PIK3C3: variants seen among roughly 807,000 people sequenced by gnomAD.
PIK3C3 encodes phosphatidylinositol 3-kinase catalytic subunit type 3.
Under a neutral mutation model 126.1 loss-of-function variants are expected in PIK3C3, and 95 were observed. The ratio of observed to expected loss-of-function variants is 0.75; its 90% confidence interval spans 0.64 to 0.89. The LOEUF (loss-of-function observed/expected upper bound fraction) is 0.89, where lower values mean the gene tolerates loss of function less well. Among genes scored for constraint, PIK3C3 ranks in the 40% least tolerant of loss-of-function variants. The pLI is 0.00. For synonymous variants in PIK3C3, 374 were observed against 360.0 expected (o/e 1.04, Z -0.44); for missense variants, 829 against 1,063.2 (o/e 0.78, Z 3.06).
At chr18:41,966,968 C>T (rs773008639) in intron 3 of PIK3C3, among the ~76,000 whole-genome samples, 3 of 152,160 alleles carry the variant, frequency 2.0e-5, no homozygotes, top group Non-Finnish European at 2.9e-5. Flanking sequence ...CTCCTGTTCC[C>T]CCTGTACTGG....
chr18:42,064,824 GA>G lies in PIK3C3; in HGVS notation c.2522del (p.Lys841ArgfsTer8), dbSNP rs1985467967. The G allele has an allele frequency of 4.5e-6, 7 of 1,556,076 alleles. No homozygotes were observed. The highest frequency in any genetic ancestry group is 3.4e-5 in the Admixed American group (2 of 59,574). On this transcript the variant is annotated frameshift_variant, in exon 23 of 25. Coordinates refer to ENST00000262039, the MANE Select transcript of PIK3C3 (RefSeq NM_002647.4). LOFTEE classifies it high-confidence loss of function. ...TTGCACTTGAACCAGATAAAACTGT[GA>G]AAAAGGTAATTTTTAAGTAACATAA... ...DIALEPDKTVKKVQDKFRLDL... is the reference protein window; with the variant it reads ...DIALEPDKTVXKVQDKFRLDL...
intron 24 of PIK3C3, among the ~76,000 whole-genome samples, chr18:42,076,396 C>T (rs1246110545): frequency 6.6e-6 from 1 of 151,510 alleles, no homozygotes; most frequent in Non-Finnish European, 1.5e-5. Flanking sequence ...AAGAAAAAAA[C>T]GTTAGCTGTG....
chr18:42,015,402 TC>T (rs1983025809), intron 11 of PIK3C3, 73 bp from the exon 12 acceptor site: 3 of 1,077,220 alleles, frequency 2.8e-6, no homozygotes, highest in Non-Finnish European at 4.3e-6. Context: ...AGTGAACTGT[TC>T]CATAAAAAAT....
chr18:42,006,569 CAT>C (rs1203017407), intron 10 of PIK3C3, among the ~76,000 whole-genome samples: 7 of 152,078 alleles, frequency 4.6e-5, no homozygotes, highest in Admixed American at 4.6e-4. Flanking sequence ...ACCTCATGAA[CAT>C]AAACTCAGGT....
intron 5 of PIK3C3, 134 bp downstream of exon 5, chr18:41,988,032 A>T (rs891820181): frequency 9.0e-6 from 5 of 556,234 alleles, no homozygotes; most frequent in African/African-American, 7.8e-5. Context: ...TGGGAATTCT[A>T]TGCTAATAAC....
intron 3 of PIK3C3, among the ~76,000 whole-genome samples, chr18:41,966,441 A>G (rs1312288534): frequency 1.3e-5 from 2 of 152,094 alleles, no homozygotes; most frequent in African/African-American, 4.8e-5. Context: ...AAGTGTTGGG[A>G]TTACAGGTAT....
intron 4 of PIK3C3, among the ~76,000 whole-genome samples, chr18:41,987,197 T>C (rs1981525153): frequency 6.6e-6 from 1 of 152,056 alleles, no homozygotes; most frequent in Admixed American, 6.6e-5. Context: ...TACCAGGAAT[T>C]CTCTATGGAT....
At chr18:41,990,421 A>T in intron 5 of PIK3C3, 38 bp from the exon 6 acceptor site, 1 of 1,187,918 alleles carries the variant, frequency 8.4e-7, no homozygotes. Context: ...AGAATGTTGA[A>T]AATAATCATT....
In PIK3C3 at chr18:42,082,234, A is replaced by T. The variant is rs1986275593; in HGVS notation, c.*1097A>T. ...AGAAAAAGAATTGTTTTGGTGCTGA[A>T]TAAATATTAGAAATCAAGTGACAGA... On this transcript the variant is annotated 3_prime_UTR_variant, in exon 25 of 25. Coordinates refer to ENST00000262039, the MANE Select transcript of PIK3C3 (RefSeq NM_002647.4). 1 of 152,214 alleles carries T rather than the reference A, an allele frequency of 6.6e-6. No homozygotes were observed. Among genetic ancestry groups the T allele is most frequent in the South Asian group, 2.1e-4 (1 of 4,828 alleles). 9.4% of individuals were successfully genotyped at this position (152,214 alleles called of 1,614,324 possible).
In PIK3C3 at chr18:41,995,964, AC is replaced by A; in HGVS notation, c.864del (p.Asn289MetfsTer8). ...RSGPSDHDLK[P>X]NAATRDQLNI... ...GTGGACCTTCTGACCACGATCTGAA[AC>A]CCAATGCTGCCACGAGAGATCAGTT... On this transcript the variant is annotated frameshift_variant, in exon 8 of 25. Coordinates refer to ENST00000262039, the MANE Select transcript of PIK3C3 (RefSeq NM_002647.4). LOFTEE classifies it high-confidence loss of function. 6.2e-7 allele frequency: 1 copy of A among 1,612,256 alleles called. No individual in the cohort carries two copies. The highest frequency in any genetic ancestry group is 8.5e-7 in the Non-Finnish European group (1 of 1,178,550).
intron 24 of PIK3C3, among the ~76,000 whole-genome samples, chr18:42,076,133 T>TATATATATGCGC (rs1555643385): frequency 1.1e-5 from 1 of 91,856 alleles, no homozygotes; most frequent in African/African-American, 6.4e-5. Context: ...CGCATATATA[T>TATATATATGCGC]ATATATATAT....
At chr18:42,012,219 A>G (rs541897552) in intron 10 of PIK3C3, among the ~76,000 whole-genome samples, 92 of 152,218 alleles carry the variant, frequency 6.0e-4, no homozygotes, top group Non-Finnish European at 9.9e-4. Flanking sequence ...TGCAAGGTAC[A>G]ATAAAATGAG....
At chr18:41,988,184 C>T (rs992215834) in intron 5 of PIK3C3, among the ~76,000 whole-genome samples, 2 of 152,114 alleles carry the variant, frequency 1.3e-5, no homozygotes, top group African/African-American at 4.8e-5. Flanking sequence ...TGTTCTCTGT[C>T]ATATCAGCTC....
intron 24 of PIK3C3, among the ~76,000 whole-genome samples, chr18:42,070,823 G>A (rs143074980): frequency 9.2e-5 from 14 of 152,300 alleles, no homozygotes; most frequent in African/African-American, 2.2e-4. Context: ...AGTTATTGGC[G>A]TGTACCTATT....
chr18:42,017,979 A>G (rs1218573475), intron 12 of PIK3C3, among the ~76,000 whole-genome samples: 2 of 142,514 alleles, frequency 1.4e-5, no homozygotes, highest in East Asian at 4.3e-4. Flanking sequence ...TACTTTCTAT[A>G]CTTTCTTATA....
chr18:41,996,594 A>G, intron 8 of PIK3C3, 44 bp from the exon 9 acceptor site: 1 of 863,800 alleles, frequency 1.2e-6, no homozygotes, highest in South Asian at 1.6e-5. Flanking sequence ...TATATAGGAC[A>G]TGTATTGTTG....
chr18:41,977,736 C>T (rs774144991), intron 4 of PIK3C3, among the ~76,000 whole-genome samples: 3 of 152,116 alleles, frequency 2.0e-5, no homozygotes, highest in Non-Finnish European at 4.4e-5. Context: ...CAACCCGCCT[C>T]GGCCTCCCAA....
chr18:41,967,479 TTAG>T (rs1452737116), intron 3 of PIK3C3, among the ~76,000 whole-genome samples: 1 of 152,190 alleles, frequency 6.6e-6, no homozygotes, highest in Non-Finnish European at 1.5e-5. Flanking sequence ...TGATGTGTAC[TTAG>T]TAGCTGTTAA....
intron 9 of PIK3C3, among the ~76,000 whole-genome samples, chr18:41,997,968 T>C (rs1349221491): frequency 6.6e-6 from 1 of 152,188 alleles, no homozygotes; most frequent in Non-Finnish European, 1.5e-5. Context: ...CAGGAAGCTG[T>C]TACATATTTA....
Sources: gnomAD v4.1 joint callset for allele counts (sites outside exome capture counted in the v4.1 genomes callset) on GRCh38, gnomAD v4.1.1 for gene constraint, MANE v1.5 for transcripts, NCBI Gene and HGNC (gene_info 2026-07-23, HGNC 2026-07-21) for gene names.